MTHFD1L: variants seen among roughly 807,000 people sequenced by gnomAD.
MTHFD1L encodes monofunctional C1-tetrahydrofolate synthase, mitochondrial.
Under a neutral mutation model 119.5 loss-of-function variants are expected in MTHFD1L, and 81 were observed. That is an observed-to-expected ratio of 0.68 (90% CI 0.57 to 0.82). MTHFD1L has a LOEUF of 0.82. MTHFD1L is among the 40% of genes least tolerant of loss of function. MTHFD1L has a pLI of 0.00. For missense variants in MTHFD1L, 1,125 were observed against 1,253.4 expected (o/e 0.90, Z 1.55); for synonymous variants, 430 against 475.2 (o/e 0.90, Z 1.24).
intron 14 of MTHFD1L, among the ~76,000 whole-genome samples, chr6:150,944,841 C>A (rs1211460310): frequency 1.3e-5 from 2 of 152,346 alleles, no homozygotes; most frequent in Non-Finnish European, 2.9e-5. Context: ...GCCAAATATT[C>A]TCTAAGATGA....
chr6:150,988,081 C>A (rs531210000), intron 20 of MTHFD1L, among the ~76,000 whole-genome samples: 3 of 152,208 alleles, frequency 2.0e-5, no homozygotes, highest in East Asian at 3.9e-4. Flanking sequence ...GAATGTAGTT[C>A]TGCTTACCAT....
chr6:150,899,285 A>C (rs1784747454), intron 7 of MTHFD1L, among the ~76,000 whole-genome samples: 1 of 152,200 alleles, frequency 6.6e-6, no homozygotes, highest in South Asian at 2.1e-4. Flanking sequence ...ATTTTGATTT[A>C]TGAAATAATC....
chr6:150,910,302 G>T (rs532224559), intron 8 of MTHFD1L, among the ~76,000 whole-genome samples: 1 of 152,040 alleles, frequency 6.6e-6, no homozygotes, highest in South Asian at 2.1e-4. Flanking sequence ...GGTGGCTCAC[G>T]CCTGTAATCC....
chr6:150,996,534 C>T (rs956466328), intron 20 of MTHFD1L, among the ~76,000 whole-genome samples: 17 of 152,110 alleles, frequency 1.1e-4, no homozygotes, highest in African/African-American at 7.2e-5. Context: ...ATGTTAATTT[C>T]CTCCTTGATC....
chr6:150,981,897 G>A (rs1402604984), intron 20 of MTHFD1L, among the ~76,000 whole-genome samples: 1 of 152,124 alleles, frequency 6.6e-6, no homozygotes, highest in Non-Finnish European at 1.5e-5. Context: ...ACCAGACTGG[G>A]CAACATAGCA....
intron 26 of MTHFD1L, among the ~76,000 whole-genome samples, chr6:151,047,891 T>C (rs978534621): frequency 1.3e-5 from 2 of 152,158 alleles, no homozygotes; most frequent in African/African-American, 4.8e-5. Context: ...TTACAGGCTA[T>C]ACGGGAAGCA....
intron 20 of MTHFD1L, among the ~76,000 whole-genome samples, chr6:150,972,945 G>T (rs2129021693): frequency 6.6e-6 from 1 of 152,292 alleles, no homozygotes; most frequent in African/African-American, 2.4e-5. Context: ...AACTCTCATA[G>T]AGTTTACTAA....
At chr6:150,956,330 C>A (rs1795639571) in intron 17 of MTHFD1L, among the ~76,000 whole-genome samples, 1 of 152,132 alleles carries the variant, frequency 6.6e-6, no homozygotes, top group South Asian at 2.1e-4. Context: ...CAGGAAGAGC[C>A]ACTCAGGGTA....
intron 26 of MTHFD1L, chr6:151,057,432 G>A (rs992473921): frequency 1.3e-6 from 1 of 753,922 alleles, no homozygotes; most frequent in Non-Finnish European, 1.6e-6. Context: ...CTTGAGCCCA[G>A]GAGTTTGAGA....
At chr6:150,951,471 T>G (rs1056286159) in intron 16 of MTHFD1L, among the ~76,000 whole-genome samples, 5 of 152,244 alleles carry the variant, frequency 3.3e-5, no homozygotes, top group Non-Finnish European at 7.3e-5. Flanking sequence ...GCATCTAGTT[T>G]TTTGGTATAA....
At chr6:150,870,080 C>T (rs1383152041) in intron 1 of MTHFD1L, among the ~76,000 whole-genome samples, 1 of 152,206 alleles carries the variant, frequency 6.6e-6, no homozygotes, top group African/African-American at 2.4e-5. Flanking sequence ...AGTAATAATA[C>T]ATTCTGTATA....
intron 19 of MTHFD1L, among the ~76,000 whole-genome samples, chr6:150,968,910 G>A (rs900252913): frequency 1.4e-5 from 2 of 143,768 alleles, no homozygotes; most frequent in African/African-American, 5.2e-5. Flanking sequence ...GTGCAATGGT[G>A]TGATCTTGGC....
intron 26 of MTHFD1L, among the ~76,000 whole-genome samples, chr6:151,049,054 T>C (rs1386159537): frequency 6.6e-6 from 1 of 152,196 alleles, no homozygotes; most frequent in Non-Finnish European, 1.5e-5. Context: ...TCTGACTGCC[T>C]GGCTAAAAAC....
At position 150,865,945 on chromosome 6, in the gene MTHFD1L, T is replaced by A. The variant is rs1412023383; in HGVS notation, c.123T>A (p.Gly41=). The change falls in exon 1 of 28, where the codon GGT becomes GGA. Residue 41 remains glycine (G), a synonymous_variant. Coordinates refer to ENST00000367321, the MANE Select transcript of MTHFD1L (RefSeq NM_015440.5). The part of the protein sequence containing the change: ...ASSGGGGGGG[G]GREGLLGQRR... ...GCGGCGGCGGCGGAGGCGGCGGCGG[T>A]GGCCGGGAGGGCCTGCTTGGACAGC... 1 of 1,221,484 alleles carries A rather than the reference T, an allele frequency of 8.2e-7. No homozygotes were observed. Among genetic ancestry groups the A allele is most frequent in the Non-Finnish European group, 1.0e-6 (1 of 984,984 alleles). 75.7% of individuals were successfully genotyped at this position (1,221,484 alleles called of 1,614,324 possible).
intron 17 of MTHFD1L, among the ~76,000 whole-genome samples, chr6:150,959,659 A>C (rs1178930494): frequency 6.6e-6 from 1 of 152,136 alleles, no homozygotes; most frequent in Non-Finnish European, 1.5e-5. Flanking sequence ...CTGTGTTGAG[A>C]TCCAGCTCTG....
intron 24 of MTHFD1L, among the ~76,000 whole-genome samples, chr6:151,025,687 C>T (rs1240344928): frequency 6.6e-6 from 1 of 152,192 alleles, no homozygotes. Flanking sequence ...ATGAATTCAA[C>T]TCTGTAGCCT....
rs112723418 is a variant in MTHFD1L, at chr6:150,869,423, G to A, written c.227+3374G>A. 6.6e-3 allele frequency among the ~76,000 whole-genome samples: 1,004 copies of A among 152,208 alleles called. 12 individuals carry two copies. Among genetic ancestry groups the A allele is most frequent in the African/African-American group, 0.023 (953 of 41,526 alleles). On this transcript the variant is annotated intron_variant, in intron 1 of 27. Coordinates refer to ENST00000367321, the MANE Select transcript of MTHFD1L (RefSeq NM_015440.5). ...ACTCCCACTTATGAGTGAGAACATGGGGTGTTTGGTTTCTGTTCCTGTGTT... is the reference window on the plus strand; with the variant it reads ...ACTCCCACTTATGAGTGAGAACATGAGGTGTTTGGTTTCTGTTCCTGTGTT...
intron 20 of MTHFD1L, among the ~76,000 whole-genome samples, chr6:151,003,419 C>T (rs936383392): frequency 2.0e-5 from 3 of 152,078 alleles, no homozygotes; most frequent in Non-Finnish European, 4.4e-5. Flanking sequence ...GTAGTCCCAC[C>T]TACTCGGGAG....
chr6:151,056,212 A>G (rs1027008314), intron 26 of MTHFD1L, among the ~76,000 whole-genome samples: 1 of 152,134 alleles, frequency 6.6e-6, no homozygotes, highest in Non-Finnish European at 1.5e-5. Context: ...CAAGTCTAGA[A>G]CTATTTTCTG....
Sources: allele counts gnomAD v4.1 joint callset (sites outside exome capture counted in the v4.1 genomes callset), GRCh38; gene constraint gnomAD v4.1.1; transcripts MANE v1.5; gene names NCBI Gene and HGNC (gene_info 2026-07-23, HGNC 2026-07-21).